Variants in RNF220 observed in about 807,000 individuals in gnomAD.
RNF220 encodes the protein E3 ubiquitin-protein ligase RNF220.
In RNF220, 7 loss-of-function variants were observed where a neutral mutation model predicts 67.1. The observed-to-expected ratio is 0.10, with a 90% CI of 0.06 to 0.20. The LOEUF (loss-of-function observed/expected upper bound fraction) is 0.20. Ranked by LOEUF, RNF220 falls within the 10% of genes least tolerant of loss-of-function variation. The probability of loss-of-function intolerance (pLI) is 1.00; values close to 1 mark genes in which losing one functional copy is unlikely to be tolerated. For missense variants in RNF220, 565 were observed against 740.3 expected (o/e 0.76, Z 2.75); for synonymous variants, 270 against 283.2 (o/e 0.95, Z 0.47).
intron 2 of RNF220, among the ~76,000 whole-genome samples, chr1:44,589,343 G>GCA (rs1558070520): frequency 6.6e-6 from 1 of 152,138 alleles, no homozygotes; most frequent in Non-Finnish European, 1.5e-5. Context: ...GGCCGGGCGT[G>GCA]GTGGCTCACG....
At position 44,412,714 on chromosome 1, in the gene RNF220, A is replaced by G. The variant is rs772857948; in HGVS notation, c.617A>G (p.Asn206Ser). The change falls in exon 2 of 15, where the codon AAT (asparagine) becomes AGT (serine). Residue 206 changes from asparagine to serine, a missense_variant. Physicochemically the swap from Asn to Ser is conservative, Grantham distance 46. Transcript: ENST00000361799. The surrounding 1 kb of genome is among the most constrained non-coding windows in gnomAD (Gnocchi z 5.3). ...REASSSPEDR[N>S]DRCKKKAAAL... ...GCCTCATCTAGCCCAGAGGATCGGAATGACAGATGTAAGTACTTTGGTTCC... is the reference window on the plus strand; with the variant it reads ...GCCTCATCTAGCCCAGAGGATCGGAGTGACAGATGTAAGTACTTTGGTTCC... 7.4e-6 allele frequency: 12 copies of G among 1,613,786 alleles called. No homozygotes were observed. Among genetic ancestry groups the G allele is most frequent in the Non-Finnish European group, 1.0e-5 (12 of 1,179,770 alleles).
chr1:44,530,056 A>C (rs1476619818), intron 2 of RNF220, among the ~76,000 whole-genome samples: 2 of 50,576 alleles, frequency 4.0e-5, no homozygotes, highest in Non-Finnish European at 8.5e-5. Flanking sequence ...TCTTATCTCA[A>C]AAAAAAAAAA....
chr1:44,649,746 C>G lies in RNF220; in HGVS notation c.1531C>G (p.Arg511Gly), dbSNP rs370769920. 1.7e-5 allele frequency: 27 copies of G among 1,613,858 alleles called. 1 individual carries two copies. The highest frequency in any genetic ancestry group is 2.3e-5 in the Non-Finnish European group (27 of 1,179,954). Residue 511 changes from arginine (R) to glycine (G), a missense_variant, in exon 13 of 15, where the codon CGT (arginine) becomes GGT (glycine). Physicochemically the swap from Arg to Gly is moderately radical, Grantham distance 125 (BLOSUM62 -2). Coordinates refer to ENST00000361799, the MANE Select transcript of RNF220 (RefSeq NM_018150.4). This position sits in a 1 kb window ranked among gnomAD's most constrained non-coding sequence, Gnocchi z 5.9. ...TGAACGGCAGCTATCTCGTGGGGAC[C>G]GTTACAAATGCCTCATCTGCATGGT... The part of the protein sequence containing the change: ...ELERQLSRGD[R>G]YKCLICMDSY...
intron 2 of RNF220, among the ~76,000 whole-genome samples, chr1:44,575,292 G>T (rs990865347): frequency 1.3e-5 from 2 of 152,116 alleles, no homozygotes; most frequent in African/African-American, 2.4e-5. Context: ...TCTGTGCCTG[G>T]TTTATTTCAC....
At chr1:44,491,789 G>T in intron 2 of RNF220, among the ~76,000 whole-genome samples, 1 of 152,010 alleles carries the variant, frequency 6.6e-6, no homozygotes, top group East Asian at 1.9e-4. Flanking sequence ...TCAGCCTCCC[G>T]AGTAGCTGGG....
At chr1:44,535,027 G>GGAGGAGTGAAGCT (rs1553240072) in intron 2 of RNF220, among the ~76,000 whole-genome samples, 2 of 152,126 alleles carry the variant, frequency 1.3e-5, no homozygotes, top group Non-Finnish European at 2.9e-5. Flanking sequence ...AATCTCCGTA[G>GGAGGAGTGAAGCT]GAGGAGTAAA....
At chr1:44,467,234 G>C (rs1302707019) in intron 2 of RNF220, among the ~76,000 whole-genome samples, 1 of 152,012 alleles carries the variant, frequency 6.6e-6, no homozygotes, top group Admixed American at 6.6e-5. Flanking sequence ...CTTTTGAGAT[G>C]GAATTTCGCT....
chr1:44,473,866 A>G (rs1655037243), intron 2 of RNF220, among the ~76,000 whole-genome samples: 1 of 152,172 alleles, frequency 6.6e-6, no homozygotes. Flanking sequence ...TTTTGCTAGT[A>G]TACAGTATGG....
chr1:44,431,981 C>A (rs925425256), intron 2 of RNF220, among the ~76,000 whole-genome samples: 1 of 152,226 alleles, frequency 6.6e-6, no homozygotes, highest in African/African-American at 2.4e-5. Context: ...CCAGTTGGCC[C>A]TGGCACCCAG....
chr1:44,409,913 TC>T (rs1189181801), intron 1 of RNF220, among the ~76,000 whole-genome samples: 1 of 151,452 alleles, frequency 6.6e-6, no homozygotes, highest in Non-Finnish European at 1.5e-5. Flanking sequence ...AAAAAAGCAC[TC>T]CCCCCTCCCC....
At chr1:44,422,645 G>A (rs575411777) in intron 2 of RNF220, among the ~76,000 whole-genome samples, 1 of 152,328 alleles carries the variant, frequency 6.6e-6, no homozygotes, top group East Asian at 1.9e-4. Flanking sequence ...GAGAAGTTGA[G>A]TGACTTGTAA....
At chr1:44,538,443 C>G (rs977319050) in intron 2 of RNF220, among the ~76,000 whole-genome samples, 1 of 152,174 alleles carries the variant, frequency 6.6e-6, no homozygotes. Context: ...TACACTTTCT[C>G]ACATCTCATC....
At chr1:44,563,176 G>A (rs955711605) in intron 2 of RNF220, among the ~76,000 whole-genome samples, 1 of 152,214 alleles carries the variant, frequency 6.6e-6, no homozygotes, top group Non-Finnish European at 1.5e-5. Flanking sequence ...ATGAGGATTT[G>A]TGTGAGCTGG....
chr1:44,622,051 C>T lies in RNF220; in HGVS notation c.759-691C>T, dbSNP rs933281953. Among the ~76,000 whole-genome samples, 2 of 152,222 alleles carry T rather than the reference C, an allele frequency of 1.3e-5. No individual in the cohort carries two copies. The highest frequency in any genetic ancestry group is 4.8e-5 in the African/African-American group (2 of 41,452). ...TGTTCCATTGTCAGCATCTGTTTAG[C>T]AGGGATTTGTAATACTTTGTGGCTC... On this transcript the variant is annotated intron_variant, in intron 3 of 14. Coordinates refer to ENST00000361799, the MANE Select transcript of RNF220 (RefSeq NM_018150.4). This position sits in a 1 kb window ranked among gnomAD's most constrained non-coding sequence, Gnocchi z 4.3.
chr1:44,485,867 T>C (rs191077785), intron 2 of RNF220, among the ~76,000 whole-genome samples: 25 of 152,184 alleles, frequency 1.6e-4, no homozygotes, highest in African/African-American at 5.5e-4. Context: ...CACAGCTGTT[T>C]GCGGGATAAA....
chr1:44,406,905 G>A (rs1451038975), intron 1 of RNF220, among the ~76,000 whole-genome samples: 1 of 152,250 alleles, frequency 6.6e-6, no homozygotes, highest in East Asian at 1.9e-4. Context: ...CGCGGCCCAG[G>A]TCGACCCCAG....
At chr1:44,634,329 T>TC (rs1393293420) in intron 6 of RNF220, among the ~76,000 whole-genome samples, 2 of 152,254 alleles carry the variant, frequency 1.3e-5, no homozygotes, top group Non-Finnish European at 2.9e-5. Flanking sequence ...GCTTTGGGTT[T>TC]CTTCATCTGT....
rs190398628 is a variant in RNF220 at position 44,565,025 on chromosome 1, T to A, written c.626-49140T>A. ...GCATGGGCCTGGCCTGAATCAACTCTATCCTTAGCACATAGCATGGGCCTG... is the reference window on the plus strand; with the variant it reads ...GCATGGGCCTGGCCTGAATCAACTCAATCCTTAGCACATAGCATGGGCCTG... On this transcript the variant is annotated intron_variant, in intron 2 of 14. Coordinates refer to ENST00000361799, the MANE Select transcript of RNF220 (RefSeq NM_018150.4). The surrounding 1 kb of genome is among the most constrained non-coding windows in gnomAD (Gnocchi z 4.2). Among the ~76,000 whole-genome samples the A allele has an allele frequency of 6.6e-6, 1 of 150,882 alleles. No homozygotes were observed. Among genetic ancestry groups the A allele is most frequent in the African/African-American group, 2.4e-5 (1 of 41,246 alleles).
At chr1:44,637,343 A>G (rs1644358449) in intron 8 of RNF220, among the ~76,000 whole-genome samples, 1 of 152,226 alleles carries the variant, frequency 6.6e-6, no homozygotes, top group Non-Finnish European at 1.5e-5. Flanking sequence ...AGTCTCCCTG[A>G]GCCGGAGCTG....
Sources: gnomAD v4.1 joint callset for allele counts (sites outside exome capture counted in the v4.1 genomes callset) on GRCh38, gnomAD v4.1.1 for gene constraint, Gnocchi (gnomAD v3.1) non-coding constraint, MANE v1.5 for transcripts, NCBI Gene and HGNC (gene_info 2026-07-23, HGNC 2026-07-21) for gene names.